IQSEC1: variants seen among roughly 807,000 people sequenced by gnomAD.
The protein encoded by IQSEC1 is IQ motif and Sec7 domain ArfGEF 1.
IQSEC1 carries 31 observed loss-of-function variants against 91.0 expected under a neutral mutation model. The ratio of observed to expected loss-of-function variants is 0.34; its 90% CI spans 0.26 to 0.46. The LOEUF is 0.46. Among genes scored for constraint, IQSEC1 ranks in the 20% least tolerant of loss-of-function variants. IQSEC1 has a pLI of 1.00. For synonymous variants in IQSEC1, 699 were observed against 662.6 expected, an observed-to-expected ratio of 1.05 and a Z score of -0.84; for missense variants, 1,388 against 1,575.6, an observed-to-expected ratio of 0.88 and a Z score of 2.02.
At chr3:13,131,028 G>A (rs1706605524) in intron 2 of IQSEC1, among the ~76,000 whole-genome samples, 1 of 126,588 alleles carries the variant, frequency 7.9e-6, no homozygotes, top group South Asian at 2.6e-4. Context: ...GGAAGGGAAG[G>A]AAGGAAGGAA....
intron 1 of IQSEC1, among the ~76,000 whole-genome samples, chr3:13,071,049 G>C (rs953117682): frequency 6.6e-6 from 1 of 151,986 alleles, no homozygotes; most frequent in African/African-American, 2.4e-5. Context: ...ACCACACCTG[G>C]ACATTAAAAT....
chr3:13,050,306 C>T (rs889622232), intron 1 of IQSEC1, among the ~76,000 whole-genome samples: 4 of 152,098 alleles, frequency 2.6e-5, no homozygotes, highest in African/African-American at 9.7e-5. Flanking sequence ...GAACAGGCCC[C>T]AGCAAAAAAG....
chr3:13,204,123 A>G (rs1694296512), intron 1 of IQSEC1, among the ~76,000 whole-genome samples: 1 of 152,226 alleles, frequency 6.6e-6, no homozygotes, highest in African/African-American at 2.4e-5. Context: ...CCGCAGGGGT[A>G]ACTCTCCACC....
At chr3:13,095,751 A>G (rs1381944613) in intron 2 of IQSEC1, among the ~76,000 whole-genome samples, 2 of 152,170 alleles carry the variant, frequency 1.3e-5, no homozygotes, top group African/African-American at 4.8e-5. Flanking sequence ...AGAGGGCTCC[A>G]GATGCAGCAG....
intron 1 of IQSEC1, among the ~76,000 whole-genome samples, chr3:12,999,285 G>A (rs1303728276): frequency 6.6e-6 from 1 of 152,174 alleles, no homozygotes; most frequent in Non-Finnish European, 1.5e-5. Flanking sequence ...GAGCCACTTA[G>A]ATATGGAATG....
intron 1 of IQSEC1, among the ~76,000 whole-genome samples, chr3:13,040,045 T>C (rs897588787): frequency 3.9e-5 from 6 of 152,364 alleles, no homozygotes; most frequent in South Asian, 2.1e-4. Flanking sequence ...AAGCCTCACA[T>C]GTAGCAGACA....
At chr3:12,913,359 C>G (rs759005959) in intron 9 of IQSEC1, 69 bp downstream of exon 9, 9 of 1,489,380 alleles carry the variant, frequency 6.0e-6, no homozygotes, top group African/African-American at 4.2e-5. Flanking sequence ...CCCACGCAGA[C>G]AGCCAGACAT....
At chr3:13,235,522 C>A (rs1215657520) in intron 1 of IQSEC1, among the ~76,000 whole-genome samples, 1 of 152,118 alleles carries the variant, frequency 6.6e-6, no homozygotes, top group Non-Finnish European at 1.5e-5. Flanking sequence ...GTGGGAGCAC[C>A]TCAGCAGGAG....
At chr3:13,129,132 T>A (rs1706565932) in intron 2 of IQSEC1, among the ~76,000 whole-genome samples, 1 of 152,174 alleles carries the variant, frequency 6.6e-6, no homozygotes, top group South Asian at 2.1e-4. Flanking sequence ...ATTGTAAAAA[T>A]TTTAACTACA....
chr3:13,166,513 G>T (rs1693499243), intron 1 of IQSEC1, among the ~76,000 whole-genome samples: 1 of 152,182 alleles, frequency 6.6e-6, no homozygotes, highest in African/African-American at 2.4e-5. Context: ...ATCCCTTACT[G>T]GCTTCCAGGT....
chr3:12,905,398 G>GC (rs1321303110), intron 12 of IQSEC1, among the ~76,000 whole-genome samples: 48 of 152,280 alleles, frequency 3.2e-4, no homozygotes, highest in Non-Finnish European at 1.8e-4. Context: ...GCCTTGCTCA[G>GC]TGTCAGTGAC....
At chr3:12,969,764 T>G (rs1700806154) in intron 1 of IQSEC1, among the ~76,000 whole-genome samples, 1 of 152,254 alleles carries the variant, frequency 6.6e-6, no homozygotes, top group Non-Finnish European at 1.5e-5. Flanking sequence ...CAGGATGGTC[T>G]TGGCGACATT....
intron 2 of IQSEC1, among the ~76,000 whole-genome samples, chr3:13,095,401 C>CTGGTGTG (rs1389270835): frequency 4.6e-5 from 7 of 152,200 alleles, no homozygotes; most frequent in Admixed American, 1.3e-4. Context: ...CTTGGCGATG[C>CTGGTGTG]TGGTGTGCGC....
At chr3:13,158,639 G>A (rs1336556826) in intron 2 of IQSEC1, among the ~76,000 whole-genome samples, 1 of 152,128 alleles carries the variant, frequency 6.6e-6, no homozygotes, top group Non-Finnish European at 1.5e-5. Context: ...TCAGAGTCCT[G>A]ACGGGGAGGC....
intron 6 of IQSEC1, among the ~76,000 whole-genome samples, chr3:12,917,425 A>G (rs998878610): frequency 2.0e-5 from 3 of 152,202 alleles, no homozygotes; most frequent in Non-Finnish European, 4.4e-5. Context: ...AGCTCCTGGC[A>G]GCCACTCATC....
In IQSEC1 at chr3:12,997,830, G is replaced by T. The variant is rs949973164; in HGVS notation, c.24-55965C>A. On this transcript the variant is annotated intron_variant, in intron 1 of 13. Coordinates refer to ENST00000613206, the MANE Select transcript of IQSEC1 (RefSeq NM_001134382.3). ...GTGTATCTAAACATAACATAGAAAA[G>T]GTACGGTAAAAATATGGTATTATCA... Among the ~76,000 whole-genome samples the T allele has an allele frequency of 2.6e-5, 4 of 152,120 alleles. No homozygotes were observed. The South Asian group carries it at 8.3e-4, about 31-fold the overall frequency.
chr3:12,953,230 G>A (rs773012551), intron 1 of IQSEC1, among the ~76,000 whole-genome samples: 24 of 152,330 alleles, frequency 1.6e-4, no homozygotes, highest in Admixed American at 3.9e-4. Flanking sequence ...GTCTCCGTGC[G>A]CCGTAGACAG....
chr3:13,124,166 C>G (rs1283054239), intron 2 of IQSEC1, among the ~76,000 whole-genome samples: 1 of 152,202 alleles, frequency 6.6e-6, no homozygotes, highest in Non-Finnish European at 1.5e-5. Flanking sequence ...TGAGTGCAGA[C>G]AGCTTCCAGG....
At chr3:13,020,057 C>T (rs1248737515) in intron 1 of IQSEC1, among the ~76,000 whole-genome samples, 1 of 152,224 alleles carries the variant, frequency 6.6e-6, no homozygotes, top group South Asian at 2.1e-4. Context: ...AGTGCCGAGC[C>T]CTCTGCATTC....
Sources: gnomAD v4.1 joint callset for allele counts (sites outside exome capture counted in the v4.1 genomes callset) on GRCh38, gnomAD v4.1.1 for gene constraint, MANE v1.5 for transcripts, NCBI Gene and HGNC (gene_info 2026-07-23, HGNC 2026-07-21) for gene names.